Variants in ZBTB43 observed in about 807,000 individuals in gnomAD.
ZBTB43 encodes the protein zinc finger and BTB domain-containing protein 43.
Under a neutral mutation model 31.1 loss-of-function variants are expected in ZBTB43, and 6 were observed. That is an observed-to-expected ratio of 0.19 (90% CI 0.11 to 0.38). The LOEUF is 0.38. Ranked by LOEUF, ZBTB43 falls within the 10% of genes least tolerant of loss-of-function variation. ZBTB43 has a pLI of 1.00. For synonymous variants in ZBTB43, 212 were observed against 221.7 expected (o/e 0.96, Z 0.39); for missense variants, 379 against 602.1 (o/e 0.63, Z 3.88).
At chr9:126,819,443 G>A (rs2119135703) in intron 2 of ZBTB43, among the ~76,000 whole-genome samples, 1 of 152,012 alleles carries the variant, frequency 6.6e-6, no homozygotes, top group Non-Finnish European at 1.5e-5. Flanking sequence ...TATTATATCT[G>A]TTATGGTGAT....
chr9:126,804,483 TTTGTTG>T (rs143192446), upstream of ZBTB43, among the ~76,000 whole-genome samples: 276 of 151,920 alleles, frequency 1.8e-3, 2 homozygotes, highest in African/African-American at 6.1e-3. Flanking sequence ...TTTTGTTTGT[TTTGTTG>T]TTGTTGTTGT....
At chr9:126,815,036 G>A (rs2032344793) in intron 2 of ZBTB43, among the ~76,000 whole-genome samples, 1 of 151,562 alleles carries the variant, frequency 6.6e-6, no homozygotes, top group South Asian at 2.1e-4. Context: ...TGATTATGAT[G>A]TGCCTTGCTG....
Position 126,833,308 on chromosome 9 carries a change from C to T in ZBTB43, c.799C>T (p.His267Tyr). The T allele has an allele frequency of 6.2e-7, 1 of 1,612,994 alleles. No individual in the cohort carries two copies. Among genetic ancestry groups the T allele is most frequent in the Non-Finnish European group, 8.5e-7 (1 of 1,179,508 alleles). The change falls in exon 3 of 3, where the codon CAC (histidine) becomes TAC (tyrosine). Residue 267 changes from histidine to tyrosine, a missense_variant. Physicochemically the swap from His to Tyr is moderately conservative, Grantham distance 83. Coordinates refer to ENST00000373464, the MANE Select transcript of ZBTB43 (RefSeq NM_014007.4). The surrounding 1 kb of genome is among the most constrained non-coding windows in gnomAD (Gnocchi z 7.9). ...GMDVHATYDE[H>Y]QVTESINTVQ... The stretch of plus-strand genomic sequence containing the variant: ...GGATGTGCACGCGACCTACGACGAG[C>T]ACCAGGTCACAGAGTCCATCAACAC...
chr9:126,822,344 AAG>A (rs1466860550), intron 2 of ZBTB43, among the ~76,000 whole-genome samples: 3 of 152,230 alleles, frequency 2.0e-5, no homozygotes, highest in African/African-American at 7.2e-5. Context: ...AATGTTGTGA[AAG>A]AAGTTCTGTG....
chr9:126,810,567 C>G (rs2032224609), intron 2 of ZBTB43, among the ~76,000 whole-genome samples: 1 of 130,392 alleles, frequency 7.7e-6, no homozygotes, highest in South Asian at 2.6e-4. Context: ...GTGGCGAGAT[C>G]TTGGCTCACT....
intron 2 of ZBTB43, among the ~76,000 whole-genome samples, chr9:126,816,021 CA>C (rs1434398314): frequency 6.6e-6 from 1 of 152,168 alleles, no homozygotes; most frequent in East Asian, 1.9e-4. Flanking sequence ...ACCAGAACTG[CA>C]TTTTGTCTGG....
In ZBTB43 at chr9:126,835,958, G is replaced by A. The variant is rs1045296574; in HGVS notation, c.*2045G>A. ...TAGCCATTATATTTGAGGAGAAATTGTTCTATTACTCCTACTAATTTCAGT... is the reference window on the plus strand; with the variant it reads ...TAGCCATTATATTTGAGGAGAAATTATTCTATTACTCCTACTAATTTCAGT... On this transcript the variant is annotated 3_prime_UTR_variant, in exon 3 of 3. Transcript: ENST00000373464. The A allele has an allele frequency of 6.0e-6, 1 of 166,980 alleles. No individual in the cohort carries two copies. Among genetic ancestry groups the A allele is most frequent in the Non-Finnish European group, 1.5e-5 (1 of 68,116 alleles). The allele number at this position is 166,980 out of a possible 1,614,324, so 10.3% of individuals were successfully genotyped here.
chr9:126,815,716 A>C (rs1335189481), intron 2 of ZBTB43, among the ~76,000 whole-genome samples: 2 of 138,334 alleles, frequency 1.4e-5, no homozygotes, highest in African/African-American at 5.5e-5. Flanking sequence ...TCTTTCCTCT[A>C]CTTTCTTGAA....
At chr9:126,826,558 G>C (rs1028705916) in intron 2 of ZBTB43, among the ~76,000 whole-genome samples, 3 of 132,664 alleles carry the variant, frequency 2.3e-5, no homozygotes, top group Non-Finnish European at 4.7e-5. Context: ...CCACCTCCCG[G>C]GTTCACGCCA....
intron 2 of ZBTB43, among the ~76,000 whole-genome samples, chr9:126,812,655 A>G (rs531614678): frequency 2.6e-5 from 4 of 152,330 alleles, no homozygotes; most frequent in South Asian, 2.1e-4. Flanking sequence ...GCATTTTTCT[A>G]ATTACTAATG....
intron 2 of ZBTB43, among the ~76,000 whole-genome samples, chr9:126,811,197 G>A (rs1180689386): frequency 1.3e-5 from 2 of 150,140 alleles, no homozygotes; most frequent in Non-Finnish European, 3.0e-5. Context: ...CCTCCAGCCT[G>A]GGCGACAGAG....
chr9:126,817,143 C>G (rs1481209447), intron 2 of ZBTB43, among the ~76,000 whole-genome samples: 1 of 97,878 alleles, frequency 1.0e-5, no homozygotes, highest in Non-Finnish European at 1.8e-5. Context: ...CAGAGTCTTT[C>G]TCTGTCACCC....
rs1258248797 is a variant in ZBTB43 at position 126,838,089 on chromosome 9, T to G, written c.*4176T>G. On this transcript the variant is annotated 3_prime_UTR_variant, in exon 3 of 3. Coordinates refer to ENST00000373464, the MANE Select transcript of ZBTB43 (RefSeq NM_014007.4). The stretch of plus-strand genomic sequence containing the variant: ...AGTTTTGTCTTTATATATTGCTGTC[T>G]TCAGTGTACAGCATGGTTTTACTTA... 1 of 166,982 alleles carries G rather than the reference T, an allele frequency of 6.0e-6. No homozygotes were observed. The highest frequency in any genetic ancestry group is 1.5e-5 in the Non-Finnish European group (1 of 68,116). The allele number at this position is 166,982 out of a possible 1,614,324, so 10.3% of individuals were successfully genotyped here.
chr9:126,823,361 T>C (rs928449068), intron 2 of ZBTB43, among the ~76,000 whole-genome samples: 21 of 152,238 alleles, frequency 1.4e-4, no homozygotes, highest in African/African-American at 4.8e-4. Flanking sequence ...CAACATATAA[T>C]TCTTTGTCTC....
intron 2 of ZBTB43, among the ~76,000 whole-genome samples, chr9:126,818,211 C>T (rs2032435330): frequency 1.3e-5 from 2 of 149,542 alleles, no homozygotes; most frequent in Non-Finnish European, 3.0e-5. Flanking sequence ...TAGCCTAAAA[C>T]TCTTGGGCTC....
intron 2 of ZBTB43, among the ~76,000 whole-genome samples, chr9:126,827,449 G>A (rs760084011): frequency 2.6e-5 from 4 of 152,322 alleles, no homozygotes; most frequent in South Asian, 4.1e-4. Context: ...GCTGTGTGTG[G>A]CAGGGCTGCG....
At chr9:126,815,717 C>T (rs547547096) in intron 2 of ZBTB43, among the ~76,000 whole-genome samples, 447 of 148,300 alleles carry the variant, frequency 3.0e-3, no homozygotes, top group Non-Finnish European at 5.5e-3. Context: ...CTTTCCTCTA[C>T]TTTCTTGAAA....
intron 2 of ZBTB43, among the ~76,000 whole-genome samples, chr9:126,826,551 C>A (rs2032644726): frequency 6.7e-6 from 1 of 148,398 alleles, no homozygotes; most frequent in Admixed American, 6.8e-5. Flanking sequence ...GCAAGCTCCA[C>A]CTCCCGGGTT....
intron 2 of ZBTB43, among the ~76,000 whole-genome samples, chr9:126,812,159 T>C (rs189435526): frequency 6.6e-6 from 1 of 152,260 alleles, no homozygotes; most frequent in Non-Finnish European, 1.5e-5. Context: ...ATAAGTGGAG[T>C]CATACAAGAT....
Sources: allele counts gnomAD v4.1 joint callset (sites outside exome capture counted in the v4.1 genomes callset), GRCh38; gene constraint gnomAD v4.1.1; non-coding constraint Gnocchi (gnomAD v3.1); transcripts MANE v1.5; gene names NCBI Gene and HGNC (gene_info 2026-07-23, HGNC 2026-07-21).